The following CSMD1 variants were observed in gnomAD, a reference collection of about 807,000 sequenced individuals.
CSMD1 encodes CUB and Sushi multiple domains 1, also known as CUB and sushi domain-containing protein 1.
A neutral mutation model predicts 417.5 loss-of-function variants in CSMD1; 213 were observed. The ratio of observed to expected loss-of-function variants is 0.51; its 90% CI spans 0.46 to 0.57. The LOEUF (loss-of-function observed/expected upper bound fraction) is 0.57. Ranked by LOEUF, CSMD1 falls within the 20% of genes least tolerant of loss-of-function variation. CSMD1 has a pLI of 0.00. For missense variants in CSMD1, 6,923 were observed against 4,529.7 expected (o/e 1.53, Z -15.17); for synonymous variants, 2,862 against 1,736.8 (o/e 1.65, Z -16.11).
chr8:3,158,789 G>C (rs546122093), intron 38 of CSMD1, among the ~76,000 whole-genome samples: 2 of 151,972 alleles, frequency 1.3e-5, no homozygotes, highest in South Asian at 4.2e-4. Flanking sequence ...TATCAGCCAG[G>C]TTTGCTTATC....
At chr8:3,916,830 G>C (rs1023351111) in intron 5 of CSMD1, among the ~76,000 whole-genome samples, 7 of 152,036 alleles carry the variant, frequency 4.6e-5, no homozygotes, top group Admixed American at 3.9e-4. Flanking sequence ...GGTGGTCTTA[G>C]ATTGCTGCAG....
chr8:4,367,704 T>G (rs1802161153), intron 3 of CSMD1, among the ~76,000 whole-genome samples: 1 of 152,148 alleles, frequency 6.6e-6, no homozygotes, highest in Non-Finnish European at 1.5e-5. Context: ...CACTGAATGG[T>G]TTTCATCTGT....
At chr8:3,954,728 T>A (rs906252478) in intron 5 of CSMD1, among the ~76,000 whole-genome samples, 8 of 152,350 alleles carry the variant, frequency 5.3e-5, no homozygotes, top group African/African-American at 1.9e-4. Context: ...GCTGCCCGCA[T>A]GCGCAGAGCC....
In CSMD1 at chr8:3,853,077, A is replaced by G. The variant is rs576988447; in HGVS notation, c.819-99035T>C. Among the ~76,000 whole-genome samples the G allele has an allele frequency of 2.0e-3, 309 of 152,118 alleles. 1 individual carries two copies. Among genetic ancestry groups the G allele is most frequent in the Non-Finnish European group, 2.1e-3 (144 of 67,994 alleles). On this transcript the variant is annotated intron_variant, in intron 5 of 69. Coordinates refer to ENST00000635120, the MANE Select transcript of CSMD1 (RefSeq NM_033225.6). ...CGAGCAACCCACGTCACTCCATCCA[A>G]TGCCTGCCACCCTGACCTCATCATT...
intron 3 of CSMD1, among the ~76,000 whole-genome samples, chr8:4,281,353 A>G (rs1425543014): frequency 2.0e-5 from 3 of 152,200 alleles, no homozygotes; most frequent in Non-Finnish European, 2.9e-5. Flanking sequence ...GAGTAAGATG[A>G]CGGCATAAGG....
At chr8:4,046,502 T>C (rs1290434449) in intron 3 of CSMD1, among the ~76,000 whole-genome samples, 1 of 152,142 alleles carries the variant, frequency 6.6e-6, no homozygotes, top group Non-Finnish European at 1.5e-5. Context: ...TAAAGCATGT[T>C]TTGTGGTTGC....
chr8:3,386,772 T>C (rs1340727522), intron 18 of CSMD1, among the ~76,000 whole-genome samples: 1 of 152,218 alleles, frequency 6.6e-6, no homozygotes, highest in Non-Finnish European at 1.5e-5. Flanking sequence ...TCTTGGAATG[T>C]TATTTTCCAT....
intron 3 of CSMD1, among the ~76,000 whole-genome samples, chr8:4,398,218 T>A (rs1439903376): frequency 6.6e-6 from 1 of 152,122 alleles, no homozygotes; most frequent in Admixed American, 6.5e-5. Flanking sequence ...TGATCTGTAG[T>A]ATGTGGTGGG....
intron 3 of CSMD1, among the ~76,000 whole-genome samples, chr8:4,374,143 G>C (rs62479509): frequency 1.3e-3 from 200 of 152,040 alleles, no homozygotes; most frequent in Non-Finnish European, 2.2e-3. Flanking sequence ...AGCTGGATAA[G>C]TACGTCCTTA....
intron 3 of CSMD1, among the ~76,000 whole-genome samples, chr8:4,201,986 G>C (rs975311047): frequency 1.4e-4 from 21 of 151,520 alleles, no homozygotes; most frequent in Admixed American, 1.2e-3. Context: ...AATCCTACTT[G>C]CATTTTGATG....
chr8:3,338,404 C>CA (rs1807415356), intron 23 of CSMD1, among the ~76,000 whole-genome samples: 1 of 152,166 alleles, frequency 6.6e-6, no homozygotes, highest in Admixed American at 6.5e-5. Flanking sequence ...TTGTGTAAAT[C>CA]AAAACACAGC....
At chr8:3,058,812 C>G (rs1359442634) in intron 49 of CSMD1, among the ~76,000 whole-genome samples, 5 of 151,982 alleles carry the variant, frequency 3.3e-5, no homozygotes, top group Non-Finnish European at 7.4e-5. Flanking sequence ...TTTACAAACA[C>G]CTGCTATATA....
At chr8:4,586,376 A>C (rs1352009389) in intron 2 of CSMD1, among the ~76,000 whole-genome samples, 1 of 152,174 alleles carries the variant, frequency 6.6e-6, no homozygotes, top group Non-Finnish European at 1.5e-5. Context: ...GTTGATTTTA[A>C]AGGTTACATA....
intron 66 of CSMD1, among the ~76,000 whole-genome samples, chr8:2,950,852 A>G (rs189806367): frequency 1.3e-5 from 2 of 152,314 alleles, no homozygotes; most frequent in East Asian, 3.9e-4. Flanking sequence ...CAGTATCTGT[A>G]TACGAATCTC....
intron 1 of CSMD1, among the ~76,000 whole-genome samples, chr8:4,723,393 C>G (rs1414773949): frequency 6.6e-6 from 1 of 152,014 alleles, no homozygotes. Flanking sequence ...GTTGCCATTT[C>G]TGAAAACAAA....
chr8:4,659,943 C>T (rs1203270254), intron 1 of CSMD1, among the ~76,000 whole-genome samples: 3 of 151,876 alleles, frequency 2.0e-5, no homozygotes, highest in Non-Finnish European at 2.9e-5. Context: ...TCAAAACACT[C>T]TGAAAACTAG....
intron 61 of CSMD1, among the ~76,000 whole-genome samples, 184 bp from the exon 62 acceptor site, chr8:2,961,398 T>C (rs540730348): frequency 6.6e-6 from 1 of 152,198 alleles, no homozygotes; most frequent in Non-Finnish European, 1.5e-5. Flanking sequence ...ACATGTTTTT[T>C]AGATGTTAAC....
At chr8:4,243,098 G>C (rs756309869) in intron 3 of CSMD1, among the ~76,000 whole-genome samples, 1 of 152,014 alleles carries the variant, frequency 6.6e-6, no homozygotes, top group Non-Finnish European at 1.5e-5. Context: ...CTTAGAATCC[G>C]GAACATGTTC....
chr8:3,612,200 T>G (rs777250363), intron 8 of CSMD1, among the ~76,000 whole-genome samples: 9 of 152,184 alleles, frequency 5.9e-5, no homozygotes, highest in Admixed American at 2.6e-4. Context: ...AAAATGTTAC[T>G]CAGGGTAAAG....
Sources: gnomAD v4.1 joint callset for allele counts (sites outside exome capture counted in the v4.1 genomes callset) on GRCh38, gnomAD v4.1.1 for gene constraint, MANE v1.5 for transcripts, NCBI Gene and HGNC (gene_info 2026-07-23, HGNC 2026-07-21) for gene names.